The following TFDP2 variants were observed in gnomAD, a reference collection of about 807,000 sequenced individuals.
TFDP2 encodes the protein transcription factor Dp-2.
Under a neutral mutation model 59.3 loss-of-function variants are expected in TFDP2, and 17 were observed. The observed-to-expected ratio is 0.29, with a 90% confidence interval of 0.20 to 0.43. TFDP2 has a LOEUF of 0.43. Among genes scored for constraint, TFDP2 ranks in the 20% least tolerant of loss-of-function variants. The probability of loss-of-function intolerance (pLI) is 1.00; values close to 1 mark genes in which losing one functional copy is unlikely to be tolerated. For missense variants in TFDP2, 391 were observed against 528.8 expected (o/e 0.74, Z 2.56); for synonymous variants, 180 against 194.7 (o/e 0.92, Z 0.63).
At chr3:142,112,240 C>T (rs2061690369) in intron 1 of TFDP2, among the ~76,000 whole-genome samples, 1 of 152,188 alleles carries the variant, frequency 6.6e-6, no homozygotes, top group Non-Finnish European at 1.5e-5. Flanking sequence ...TCTTCAGTAA[C>T]TGAAATGCTC....
At chr3:141,979,607 G>A (rs1941219936) in intron 6 of TFDP2, among the ~76,000 whole-genome samples, 1 of 151,994 alleles carries the variant, frequency 6.6e-6, no homozygotes, top group African/African-American at 2.4e-5. Flanking sequence ...TCCTTTTTTG[G>A]AGAGAGAGTT....
intron 6 of TFDP2, among the ~76,000 whole-genome samples, chr3:141,981,788 A>G (rs1030829394): frequency 2.0e-5 from 3 of 152,214 alleles, no homozygotes; most frequent in African/African-American, 7.2e-5. Context: ...ACCAACTGAG[A>G]GGGTATTGCA....
chr3:142,041,881 C>G (rs1946989403), intron 3 of TFDP2, among the ~76,000 whole-genome samples: 1 of 152,122 alleles, frequency 6.6e-6, no homozygotes, highest in African/African-American at 2.4e-5. Context: ...TGCATACGGA[C>G]TTTGATTGTT....
chr3:142,009,217 C>T (rs1434938539), intron 3 of TFDP2, among the ~76,000 whole-genome samples: 2 of 152,152 alleles, frequency 1.3e-5, no homozygotes, highest in Non-Finnish European at 2.9e-5. Context: ...GAAAGTATTA[C>T]CTTTCCTAAT....
intron 9 of TFDP2, among the ~76,000 whole-genome samples, chr3:141,965,124 C>T (rs751482475): frequency 2.0e-5 from 3 of 149,920 alleles, no homozygotes; most frequent in African/African-American, 7.6e-5. Context: ...TAGAATTTCA[C>T]AGCTAGAAAG....
chr3:142,118,710 C>T (rs1418144226), intron 1 of TFDP2, among the ~76,000 whole-genome samples: 7 of 151,732 alleles, frequency 4.6e-5, no homozygotes, highest in Non-Finnish European at 8.8e-5. Flanking sequence ...TAATAAAAGA[C>T]ACTGAACAAA....
At chr3:142,043,850 T>A in intron 3 of TFDP2, 1 of 1,390,012 alleles carries the variant, frequency 7.2e-7, no homozygotes, top group African/African-American at 1.4e-5. Flanking sequence ...AGGTACAGGC[T>A]GTGATACATA....
intron 3 of TFDP2, among the ~76,000 whole-genome samples, chr3:142,044,922 T>C (rs1464970049): frequency 6.6e-6 from 1 of 152,186 alleles, no homozygotes; most frequent in African/African-American, 2.4e-5. Flanking sequence ...ATATAGAATC[T>C]GGTACTCAAT....
chr3:142,087,512 T>C (rs2060840198), intron 3 of TFDP2, among the ~76,000 whole-genome samples: 1 of 151,810 alleles, frequency 6.6e-6, no homozygotes, highest in Non-Finnish European at 1.5e-5. Flanking sequence ...TCTTTTTTTT[T>C]TTTTTTGAGA....
At chr3:142,112,524 G>A (rs1351533038) in intron 1 of TFDP2, among the ~76,000 whole-genome samples, 1 of 152,210 alleles carries the variant, frequency 6.6e-6, no homozygotes, top group Non-Finnish European at 1.5e-5. Context: ...TTAGCAGAAA[G>A]ACGTGGTAAT....
intron 1 of TFDP2, among the ~76,000 whole-genome samples, chr3:142,126,668 C>T (rs1425695902): frequency 6.6e-6 from 1 of 151,922 alleles, no homozygotes; most frequent in African/African-American, 2.4e-5. Context: ...TAAAATTGGC[C>T]GGGCATGGTG....
intron 3 of TFDP2, among the ~76,000 whole-genome samples, chr3:142,090,607 C>A (rs1402341868): frequency 1.3e-5 from 2 of 149,230 alleles, no homozygotes; most frequent in African/African-American, 5.0e-5. Context: ...GTTGCCCAGG[C>A]TGGAGTGCAA....
chr3:142,044,899 C>A (rs1247301909), intron 3 of TFDP2, among the ~76,000 whole-genome samples: 1 of 152,086 alleles, frequency 6.6e-6, no homozygotes, highest in Non-Finnish European at 1.5e-5. Context: ...TTAGCTAATT[C>A]ATGAAGGCTT....
At chr3:142,031,077 C>G (rs1011706228) in intron 3 of TFDP2, among the ~76,000 whole-genome samples, 4 of 152,112 alleles carry the variant, frequency 2.6e-5, no homozygotes, top group African/African-American at 7.2e-5. Flanking sequence ...AGCACCCCCC[C>G]GGCCCTCCAA....
intron 1 of TFDP2, among the ~76,000 whole-genome samples, chr3:142,113,384 G>C (rs917444218): frequency 6.6e-6 from 1 of 151,798 alleles, no homozygotes; most frequent in Non-Finnish European, 1.5e-5. Flanking sequence ...TCAGCCTCCC[G>C]AGTAGCTGGG....
At chr3:142,059,831 C>T (rs2059859270) in intron 3 of TFDP2, among the ~76,000 whole-genome samples, 1 of 152,064 alleles carries the variant, frequency 6.6e-6, no homozygotes. Context: ...ATCTGACTGC[C>T]TCGGCCTCCC....
At chr3:142,077,070 T>C (rs1194635060) in intron 3 of TFDP2, among the ~76,000 whole-genome samples, 2 of 152,130 alleles carry the variant, frequency 1.3e-5, no homozygotes, top group Non-Finnish European at 2.9e-5. Flanking sequence ...TGTGGGACTC[T>C]GTATTGGAAC....
chr3:142,104,979 T>A (rs1454752349), intron 1 of TFDP2, among the ~76,000 whole-genome samples: 1 of 152,134 alleles, frequency 6.6e-6, no homozygotes, highest in Non-Finnish European at 1.5e-5. Flanking sequence ...GATACTTAGT[T>A]GTGTGATCCT....
At chr3:142,078,888 C>G (rs867511701) in intron 3 of TFDP2, among the ~76,000 whole-genome samples, 8 of 151,914 alleles carry the variant, frequency 5.3e-5, no homozygotes, top group Admixed American at 5.2e-4. Flanking sequence ...TGAAGTAACT[C>G]AAAGAAATTC....
Sources: gnomAD v4.1 joint callset for allele counts (sites outside exome capture counted in the v4.1 genomes callset) on GRCh38, gnomAD v4.1.1 for gene constraint, MANE v1.5 for transcripts, NCBI Gene and HGNC (gene_info 2026-07-23, HGNC 2026-07-21) for gene names.